Variants in AHI1 observed in about 807,000 individuals in gnomAD.
AHI1 encodes Abelson helper integration site 1, also known as jouberin.
Under a neutral mutation model 149.3 loss-of-function variants are expected in AHI1, and 123 were observed. That is an observed-to-expected ratio of 0.82 (90% CI 0.71 to 0.96). The LOEUF (loss-of-function observed/expected upper bound fraction) is 0.96, where lower values mean the gene tolerates loss of function less well. AHI1 is among the 40% of genes least tolerant of loss of function. The probability of loss-of-function intolerance (pLI) is 0.00; values close to 1 mark genes in which losing one functional copy is unlikely to be tolerated. For missense variants in AHI1, 1,439 were observed against 1,422.7 expected, an observed-to-expected ratio of 1.01 and a Z score of -0.18; for synonymous variants, 475 against 459.8, an observed-to-expected ratio of 1.03 and a Z score of -0.42.
chr6:135,289,548 C>T (rs1782083986), intron 28 of AHI1, among the ~76,000 whole-genome samples: 1 of 151,942 alleles, frequency 6.6e-6, no homozygotes. Flanking sequence ...AAATCTCTTC[C>T]ATCCCAGGTT....
chr6:135,391,962 G>A (rs1778570433), intron 23 of AHI1, among the ~76,000 whole-genome samples: 1 of 152,170 alleles, frequency 6.6e-6, no homozygotes, highest in Non-Finnish European at 1.5e-5. Flanking sequence ...CTGGGATTAG[G>A]AAAACTTGGT....
chr6:135,369,645 T>C (rs9494226), intron 23 of AHI1, among the ~76,000 whole-genome samples: 5,316 of 152,314 alleles, frequency 0.035, 291 homozygotes, highest in African/African-American at 0.12. Context: ...CACACAGATA[T>C]GACTCTTTCT....
At chr6:135,397,683 A>G (rs1326306495) in intron 22 of AHI1, among the ~76,000 whole-genome samples, 1 of 152,072 alleles carries the variant, frequency 6.6e-6, no homozygotes, top group Non-Finnish European at 1.5e-5. Flanking sequence ...TTGAATGCAC[A>G]ATATTAAGCA....
intron 23 of AHI1, among the ~76,000 whole-genome samples, chr6:135,371,295 A>G (rs1775021468): frequency 6.6e-6 from 1 of 152,174 alleles, no homozygotes; most frequent in South Asian, 2.1e-4. Flanking sequence ...CTTCCTTTGG[A>G]TAAGAAACCC....
intron 5 of AHI1, among the ~76,000 whole-genome samples, chr6:135,482,250 C>T (rs1793770918): frequency 6.6e-6 from 1 of 152,118 alleles, no homozygotes. Flanking sequence ...AACTCCTATT[C>T]CAAAGGCCTT....
intron 27 of AHI1, chr6:135,297,515 A>C (rs561271883): frequency 2.2e-6 from 1 of 456,178 alleles, no homozygotes; most frequent in Admixed American, 2.3e-5. Flanking sequence ...TTTGCATCAC[A>C]TCATTTTGCA....
At chr6:135,407,762 C>T (rs1050655359) in intron 21 of AHI1, among the ~76,000 whole-genome samples, 16 of 152,020 alleles carry the variant, frequency 1.1e-4, no homozygotes, top group South Asian at 8.3e-4. Flanking sequence ...CCTGTAATCC[C>T]AGCACTTTGG....
intron 23 of AHI1, among the ~76,000 whole-genome samples, chr6:135,364,353 T>G (rs1794545332): frequency 7.0e-6 from 1 of 143,384 alleles, no homozygotes; most frequent in Non-Finnish European, 1.5e-5. Flanking sequence ...GAAGAGGCGC[T>G]CCTCACTTCC....
intron 20 of AHI1, among the ~76,000 whole-genome samples, chr6:135,412,610 G>T (rs1294119486): frequency 2.0e-5 from 3 of 152,020 alleles, no homozygotes; most frequent in Non-Finnish European, 4.4e-5. Flanking sequence ...TGTATTTTTT[G>T]GGGTGCTATC....
At chr6:135,493,814 G>A (rs1307701202) in intron 3 of AHI1, among the ~76,000 whole-genome samples, 4 of 152,122 alleles carry the variant, frequency 2.6e-5, no homozygotes, top group African/African-American at 7.2e-5. Context: ...AGGATAAGGC[G>A]GGTGGATCAC....
At chr6:135,439,621 T>A (rs999424494) in intron 14 of AHI1, among the ~76,000 whole-genome samples, 1 of 152,228 alleles carries the variant, frequency 6.6e-6, no homozygotes, top group African/African-American at 2.4e-5. Context: ...AAATCTTCTA[T>A]CCGTGAAATT....
intron 24 of AHI1, among the ~76,000 whole-genome samples, chr6:135,340,646 T>TATAC (rs201413777): frequency 3.0e-5 from 2 of 66,506 alleles, no homozygotes; most frequent in Non-Finnish European, 5.1e-5. Context: ...AGTACATATA[T>TATAC]ATACATACAT....
At position 135,492,958 on chromosome 6, in the gene AHI1, T is replaced by G. The variant is rs938638489; in HGVS notation, c.-54-667A>C. 1.1e-5 allele frequency: 11 copies of G among 969,116 alleles called. No individual in the cohort carries two copies. In the African/African-American group the frequency reaches 2.0e-4, roughly 18 times the overall value. 60.0% of individuals were successfully genotyped at this position (969,116 alleles called of 1,614,324 possible). ...GAACATTTAGAATGTAATATGCATG[T>G]TTTTGAGACTAAAACTGAAGAGTGT... On this transcript the variant is annotated intron_variant, in intron 3 of 28. Coordinates refer to ENST00000265602, the MANE Select transcript of AHI1 (RefSeq NM_001134831.2).
At chr6:135,433,287 T>C in intron 15 of AHI1, 31 bp from the exon 16 acceptor site, 13 of 1,484,140 alleles carry the variant, frequency 8.8e-6, no homozygotes, top group Non-Finnish European at 1.1e-5. Context: ...ACATATTGCT[T>C]CTGAAAAGCA....
At chr6:135,337,606 A>T (rs947566165) in intron 24 of AHI1, among the ~76,000 whole-genome samples, 37 of 151,852 alleles carry the variant, frequency 2.4e-4, no homozygotes, top group South Asian at 8.3e-4. Flanking sequence ...CAAAAAAATT[A>T]AAAAAATCAG....
intron 13 of AHI1, among the ~76,000 whole-genome samples, chr6:135,443,562 T>A (rs1027545503): frequency 9.9e-5 from 15 of 152,132 alleles, no homozygotes; most frequent in African/African-American, 3.4e-4. Flanking sequence ...TCTATATGGC[T>A]AAGAGGGATT....
chr6:135,312,946 C>T (rs1036289791), intron 26 of AHI1, among the ~76,000 whole-genome samples: 13 of 152,068 alleles, frequency 8.5e-5, no homozygotes, highest in Non-Finnish European at 1.8e-4. Flanking sequence ...AAAAATAAGA[C>T]TTGAACATGA....
At chr6:135,494,634 G>A (rs913091561) in intron 3 of AHI1, among the ~76,000 whole-genome samples, 4 of 152,120 alleles carry the variant, frequency 2.6e-5, no homozygotes, top group East Asian at 3.8e-4. Context: ...TTACTGTCAC[G>A]TGTGTGTGTG....
At position 135,318,845 on chromosome 6, in the gene AHI1, A is replaced by G. The variant is rs17064414; in HGVS notation, c.3329-229T>C. 0.029 allele frequency among the ~76,000 whole-genome samples: 4,412 copies of G among 152,346 alleles called. 152 individuals carry two copies. The highest frequency in any genetic ancestry group is 0.074 in the African/African-American group (3,073 of 41,562). On this transcript the variant is annotated intron_variant, in intron 25 of 28. Transcript: ENST00000265602. ...TTAATCATCTGGATTTCAGAAATGC[A>G]GAAGGTGTCATTTTCACTTATTATC...
Sources: gnomAD v4.1 joint callset for allele counts (sites outside exome capture counted in the v4.1 genomes callset) on GRCh38, gnomAD v4.1.1 for gene constraint, MANE v1.5 for transcripts, NCBI Gene and HGNC (gene_info 2026-07-23, HGNC 2026-07-21) for gene names.